The following MAN1A1 variants were observed in gnomAD, a reference collection of about 807,000 sequenced individuals.
MAN1A1 encodes mannosyl-oligosaccharide 1,2-alpha-mannosidase IA.
MAN1A1 carries 29 observed loss-of-function variants against 70.8 expected under a neutral mutation model. That is an observed-to-expected ratio of 0.41 (90% confidence interval 0.31 to 0.56). The LOEUF (loss-of-function observed/expected upper bound fraction) is 0.56. Ranked by LOEUF, MAN1A1 falls within the 20% of genes least tolerant of loss-of-function variation. The probability of loss-of-function intolerance (pLI) is 0.29; values close to 1 mark genes in which losing one functional copy is unlikely to be tolerated. For missense variants in MAN1A1, 747 were observed against 841.3 expected, an observed-to-expected ratio of 0.89 and a Z score of 1.39; for synonymous variants, 349 against 330.1, an observed-to-expected ratio of 1.06 and a Z score of -0.62.
At chr6:119,267,601 C>T (rs1023827549) in intron 5 of MAN1A1, among the ~76,000 whole-genome samples, 8 of 152,136 alleles carry the variant, frequency 5.3e-5, no homozygotes, top group African/African-American at 1.9e-4. Flanking sequence ...TTATAAGACA[C>T]ATGCCATAGT....
At chr6:119,333,342 C>T (rs542498813) in intron 2 of MAN1A1, among the ~76,000 whole-genome samples, 1 of 152,292 alleles carries the variant, frequency 6.6e-6, no homozygotes, top group East Asian at 1.9e-4. Flanking sequence ...ATGGAATTCA[C>T]CTCTCAAGGT....
At chr6:119,180,496 AGATT>A in intron 11 of MAN1A1, 69 bp from the exon 12 acceptor site, 1 of 840,094 alleles carries the variant, frequency 1.2e-6, no homozygotes, top group Non-Finnish European at 2.0e-6. Context: ...TTTTATTATT[AGATT>A]GTCAAGTTCA....
intron 6 of MAN1A1, among the ~76,000 whole-genome samples, chr6:119,223,983 A>T (rs888947690): frequency 2.1e-4 from 32 of 152,304 alleles, no homozygotes; most frequent in African/African-American, 3.6e-4. Flanking sequence ...AAGGCTTTTT[A>T]AAAAAATCTG....
chr6:119,328,944 A>T (rs1007638450), intron 2 of MAN1A1, among the ~76,000 whole-genome samples: 5 of 152,240 alleles, frequency 3.3e-5, no homozygotes, highest in African/African-American at 1.2e-4. Context: ...AGAACTCTGG[A>T]CAACTTGCCT....
At chr6:119,319,270 T>C (rs1038484871) in intron 2 of MAN1A1, among the ~76,000 whole-genome samples, 20 of 151,964 alleles carry the variant, frequency 1.3e-4, no homozygotes, top group African/African-American at 4.8e-4. Flanking sequence ...ATGGCAAATA[T>C]TTCCTGGGCC....
At position 119,331,393 on chromosome 6, in the gene MAN1A1, C is replaced by T. The variant is rs142223595; in HGVS notation, c.603+17070G>A. ...ATTATGTATCCTAAACTTTAGGAGT[C>T]ATAGTTGCCCCAAGATGAGGGAGAA... On this transcript the variant is annotated intron_variant, in intron 2 of 12. Coordinates refer to ENST00000368468, the MANE Select transcript of MAN1A1 (RefSeq NM_005907.4). Among the ~76,000 whole-genome samples, 702 of 151,866 alleles carry T rather than the reference C, an allele frequency of 4.6e-3. 4 individuals carry two copies. Among genetic ancestry groups the T allele is most frequent in the African/African-American group, 0.016 (663 of 41,442 alleles).
intron 10 of MAN1A1, 131 bp from the exon 11 acceptor site, chr6:119,188,708 G>A: frequency 1.3e-6 from 1 of 750,184 alleles, no homozygotes; most frequent in Non-Finnish European, 2.2e-6. Context: ...ACCCTCCGAG[G>A]ATAACAAAAT....
chr6:119,271,613 C>CT (rs1775926071), intron 5 of MAN1A1, among the ~76,000 whole-genome samples: 15 of 152,204 alleles, frequency 9.9e-5, no homozygotes, highest in African/African-American at 3.4e-4. Context: ...AATTCTCCTG[C>CT]CTCAGCCTCC....
intron 6 of MAN1A1, among the ~76,000 whole-genome samples, chr6:119,222,708 C>T (rs1026110524): frequency 6.6e-6 from 1 of 152,146 alleles, no homozygotes; most frequent in African/African-American, 2.4e-5. Flanking sequence ...ACTTCTTCAC[C>T]ATGACTAGTT....
intron 2 of MAN1A1, among the ~76,000 whole-genome samples, chr6:119,312,275 A>G (rs1197631724): frequency 9.9e-5 from 15 of 152,218 alleles, no homozygotes; most frequent in Admixed American, 9.8e-4. Flanking sequence ...AAAGCCTGAC[A>G]GCAATTTCCA....
intron 7 of MAN1A1, among the ~76,000 whole-genome samples, chr6:119,202,988 CT>C (rs1243312334): frequency 6.8e-5 from 9 of 132,410 alleles, no homozygotes; most frequent in African/African-American, 2.5e-4. Flanking sequence ...AGAGCTCTCT[CT>C]CTCTCTCTGT....
chr6:119,223,583 C>T (rs1159938442), intron 6 of MAN1A1, among the ~76,000 whole-genome samples: 1 of 151,932 alleles, frequency 6.6e-6, no homozygotes, highest in Non-Finnish European at 1.5e-5. Context: ...CTTATATTCC[C>T]AAGTAAAAAT....
intron 4 of MAN1A1, among the ~76,000 whole-genome samples, chr6:119,301,345 C>T (rs957529760): frequency 1.3e-5 from 2 of 152,198 alleles, no homozygotes; most frequent in African/African-American, 4.8e-5. Context: ...TCAAAATTAT[C>T]AAGAAGTATT....
At chr6:119,233,132 A>G (rs190500096) in intron 6 of MAN1A1, among the ~76,000 whole-genome samples, 4 of 152,284 alleles carry the variant, frequency 2.6e-5, no homozygotes, top group Admixed American at 2.6e-4. Flanking sequence ...CTAGCACCAA[A>G]TATGTTGTTC....
chr6:119,184,031 C>T (rs1449034055), intron 11 of MAN1A1, among the ~76,000 whole-genome samples: 1 of 151,902 alleles, frequency 6.6e-6, no homozygotes, highest in African/African-American at 2.4e-5. Context: ...AAAGGAAAAG[C>T]ACCCAAGAAC....
chr6:119,195,022 G>A (rs1262901378), intron 8 of MAN1A1, among the ~76,000 whole-genome samples: 9 of 151,782 alleles, frequency 5.9e-5, no homozygotes, highest in Non-Finnish European at 1.0e-4. Flanking sequence ...TAGTAGAGAC[G>A]GGGTTTCACC....
At chr6:119,350,544 A>G (rs1462488953), upstream of MAN1A1, 1 of 985,422 alleles carries the variant, frequency 1.0e-6, no homozygotes, top group Non-Finnish European at 1.2e-6. Context: ...AAGTTGGTCA[A>G]ATTTTCCATT....
intron 6 of MAN1A1, among the ~76,000 whole-genome samples, chr6:119,243,026 A>G (rs1323419812): frequency 6.6e-6 from 1 of 152,136 alleles, no homozygotes; most frequent in Non-Finnish European, 1.5e-5. Context: ...AAATACTTAG[A>G]AAGATGTAAC....
At chr6:119,280,611 T>C (rs946153376) in intron 5 of MAN1A1, among the ~76,000 whole-genome samples, 5 of 152,234 alleles carry the variant, frequency 3.3e-5, no homozygotes, top group African/African-American at 4.8e-5. Flanking sequence ...AATTTCTTGC[T>C]ACAGCTATCT....
Sources: gnomAD v4.1 joint callset for allele counts (sites outside exome capture counted in the v4.1 genomes callset) on GRCh38, gnomAD v4.1.1 for gene constraint, MANE v1.5 for transcripts, NCBI Gene and HGNC (gene_info 2026-07-23, HGNC 2026-07-21) for gene names.